Variants in ADAMTS17 observed in about 807,000 individuals in gnomAD.
ADAMTS17 encodes the protein ADAM metallopeptidase with thrombospondin type 1 motif 17, also known as A disintegrin and metalloproteinase with thrombospondin motifs 17.
A neutral mutation model predicts 141.5 loss-of-function variants in ADAMTS17; 113 were observed. The ratio of observed to expected loss-of-function variants is 0.80; its 90% confidence interval spans 0.69 to 0.93. ADAMTS17 has a LOEUF of 0.93. Ranked by LOEUF, ADAMTS17 falls within the 40% of genes least tolerant of loss-of-function variation. The probability of loss-of-function intolerance (pLI) is 0.00; values close to 1 mark genes in which losing one functional copy is unlikely to be tolerated. For missense variants in ADAMTS17, 1,659 were observed against 1,517.9 expected (o/e 1.09, Z -1.54); for synonymous variants, 768 against 630.6 (o/e 1.22, Z -3.27).
chr15:100,336,261 A>T (rs2046205718), intron 2 of ADAMTS17, among the ~76,000 whole-genome samples: 1 of 152,210 alleles, frequency 6.6e-6, no homozygotes, highest in Admixed American at 6.5e-5. Context: ...CAGCTGGATG[A>T]AGCCCTGAGT....
At chr15:100,271,996 G>C (rs569854465) in intron 4 of ADAMTS17, among the ~76,000 whole-genome samples, 1 of 149,366 alleles carries the variant, frequency 6.7e-6, no homozygotes, top group South Asian at 2.2e-4. Context: ...TGAAGGTCTC[G>C]GCATCCTTAC....
intron 8 of ADAMTS17, among the ~76,000 whole-genome samples, chr15:100,169,192 T>C (rs899542303): frequency 6.6e-6 from 1 of 152,170 alleles, no homozygotes; most frequent in African/African-American, 2.4e-5. Context: ...ATTTCTTCCA[T>C]TCATGCTCTT....
intron 8 of ADAMTS17, among the ~76,000 whole-genome samples, chr15:100,165,710 T>C (rs2039922390): frequency 6.6e-6 from 1 of 152,168 alleles, no homozygotes; most frequent in South Asian, 2.1e-4. Context: ...TTAGAAATTG[T>C]GAAGATGTTT....
intron 15 of ADAMTS17, among the ~76,000 whole-genome samples, chr15:100,079,264 A>T (rs1049457900): frequency 6.6e-6 from 1 of 152,256 alleles, no homozygotes; most frequent in African/African-American, 2.4e-5. Context: ...TTATATCAGC[A>T]TTATTCCTAA....
At chr15:100,024,024 T>C (rs1473388012) in intron 18 of ADAMTS17, among the ~76,000 whole-genome samples, 1 of 152,232 alleles carries the variant, frequency 6.6e-6, no homozygotes, top group East Asian at 1.9e-4. Context: ...CAAATCTTTG[T>C]ATACTGTGCA....
intron 6 of ADAMTS17, among the ~76,000 whole-genome samples, chr15:100,257,232 G>T (rs2043357376): frequency 1.3e-5 from 2 of 152,160 alleles, no homozygotes; most frequent in African/African-American, 4.8e-5. Context: ...GGCAGAAGCT[G>T]CCTCTCACCC....
At chr15:100,296,632 C>T (rs554630351) in intron 3 of ADAMTS17, among the ~76,000 whole-genome samples, 7 of 151,882 alleles carry the variant, frequency 4.6e-5, no homozygotes, top group South Asian at 4.2e-4. Context: ...TGCACGCGCA[C>T]GTGCATTTAC....
At chr15:100,052,090 C>T (rs573041006) in intron 16 of ADAMTS17, among the ~76,000 whole-genome samples, 1 of 152,260 alleles carries the variant, frequency 6.6e-6, no homozygotes. Flanking sequence ...TGCATGCTCA[C>T]CCACAAAGCT....
At chr15:100,258,751 T>C (rs1385725106) in intron 6 of ADAMTS17, among the ~76,000 whole-genome samples, 1 of 152,216 alleles carries the variant, frequency 6.6e-6, no homozygotes, top group Non-Finnish European at 1.5e-5. Flanking sequence ...GTAGCCATTG[T>C]AAAAAGTTTG....
At chr15:100,073,698 G>A (rs998693915) in intron 15 of ADAMTS17, among the ~76,000 whole-genome samples, 22 of 147,794 alleles carry the variant, frequency 1.5e-4, no homozygotes, top group African/African-American at 5.5e-4. Flanking sequence ...TCACTCATAG[G>A]TGGGAATTGA....
intron 7 of ADAMTS17, among the ~76,000 whole-genome samples, chr15:100,251,296 A>C (rs553368636): frequency 2.0e-5 from 3 of 152,356 alleles, no homozygotes; most frequent in Admixed American, 6.5e-5. Flanking sequence ...ATATGAGGAC[A>C]TAAGATGCTC....
chr15:100,341,292 C>G lies in ADAMTS17; in HGVS notation c.197G>C (p.Arg66Pro). 1.8e-6 allele frequency: 2 copies of G among 1,115,686 alleles called. No individual in the cohort carries two copies. The highest frequency in any genetic ancestry group is 4.3e-5 in the South Asian group (1 of 23,456). 69.1% of individuals were successfully genotyped at this position (1,115,686 alleles called of 1,614,324 possible). A position where few individuals can be genotyped will look rare whatever the true frequency, so the allele number is the denominator to read the frequency against. ...GGCGCGCGGGGCGGCTGGGGGCGTG[C>G]GGGGGCGTCGCCGCCGTCGGGGCCC... is the stretch of plus-strand genomic sequence containing the variant. ...APGPRRRRRP[R>P]TPPAAPRARP... Residue 66 changes from arginine (R) to proline (P), a missense_variant, in exon 2 of 22, where the codon CGC becomes CCC. Arg to Pro is a moderately radical substitution (Grantham distance 103). Transcript: ENST00000268070.
chr15:100,255,515 G>A (rs560776764), intron 6 of ADAMTS17, among the ~76,000 whole-genome samples: 3 of 151,990 alleles, frequency 2.0e-5, no homozygotes, highest in African/African-American at 4.8e-5. Context: ...CTGGCAGAGG[G>A]GAAAGCAAAT....
At chr15:100,098,397 C>T (rs2035892818) in intron 14 of ADAMTS17, among the ~76,000 whole-genome samples, 1 of 151,942 alleles carries the variant, frequency 6.6e-6, no homozygotes, top group African/African-American at 2.4e-5. Flanking sequence ...GCCTGTAATC[C>T]CAGCACTTTG....
chr15:99,998,558 C>T (rs11634090), intron 18 of ADAMTS17, among the ~76,000 whole-genome samples: 1,644 of 152,192 alleles, frequency 0.011, 27 homozygotes, highest in Non-Finnish European at 0.012. Context: ...GAGCCAAGAT[C>T]GCGCCACTGC....
At chr15:100,273,247 T>A (rs1158837842) in intron 4 of ADAMTS17, among the ~76,000 whole-genome samples, 1 of 152,150 alleles carries the variant, frequency 6.6e-6, no homozygotes, top group Non-Finnish European at 1.5e-5. Context: ...CCTCTTCAGC[T>A]TTTTTGGAAG....
intron 7 of ADAMTS17, among the ~76,000 whole-genome samples, chr15:100,251,707 C>T (rs8036679): frequency 0.62 from 94,574 of 152,142 alleles, 30,062 homozygotes; most frequent in East Asian, 0.79. Context: ...CACTGCACTC[C>T]AGCCTGGGCG....
intron 18 of ADAMTS17, among the ~76,000 whole-genome samples, chr15:99,999,147 C>A (rs537683598): frequency 6.6e-6 from 1 of 152,160 alleles, no homozygotes; most frequent in Admixed American, 6.6e-5. Context: ...ACGTGCCAGG[C>A]ACCTTCTAGG....
At chr15:100,207,819 G>C (rs534258029) in intron 7 of ADAMTS17, among the ~76,000 whole-genome samples, 6 of 152,264 alleles carry the variant, frequency 3.9e-5, no homozygotes, top group African/African-American at 1.2e-4. Context: ...GGAGGGAGGT[G>C]AGAGAATCAT....
Sources: allele counts gnomAD v4.1 joint callset (sites outside exome capture counted in the v4.1 genomes callset), GRCh38; gene constraint gnomAD v4.1.1; transcripts MANE v1.5; gene names NCBI Gene and HGNC (gene_info 2026-07-23, HGNC 2026-07-21).